ANO4: variants seen among roughly 807,000 people sequenced by gnomAD.
ANO4 encodes anoctamin-4.
In ANO4, 69 loss-of-function variants were observed where a neutral mutation model predicts 141.9. The observed-to-expected ratio is 0.49, with a 90% confidence interval of 0.40 to 0.59. The LOEUF (loss-of-function observed/expected upper bound fraction) is 0.59. ANO4 is among the 20% of genes least tolerant of loss of function. The pLI, the probability that ANO4 is intolerant of heterozygous loss-of-function variation, is 0.00. For missense variants in ANO4, 894 were observed against 1,162.2 expected (o/e 0.77, Z 3.36); for synonymous variants, 350 against 394.3 (o/e 0.89, Z 1.33).
At chr12:100,871,504 C>A (rs1593584090) in intron 1 of ANO4, among the ~76,000 whole-genome samples, 1 of 152,200 alleles carries the variant, frequency 6.6e-6, no homozygotes, top group Non-Finnish European at 1.5e-5. Context: ...TAGCACTGAG[C>A]ACCTGGTGGT....
intron 3 of ANO4, among the ~76,000 whole-genome samples, chr12:100,772,022 A>G (rs2033321127): frequency 6.6e-6 from 1 of 152,210 alleles, no homozygotes; most frequent in African/African-American, 2.4e-5. Flanking sequence ...CAAGACCTTC[A>G]GTGGGAAACT....
intron 3 of ANO4, among the ~76,000 whole-genome samples, chr12:100,747,743 T>C (rs1593262178): frequency 2.6e-5 from 4 of 152,104 alleles, no homozygotes; most frequent in Admixed American, 2.0e-4. Flanking sequence ...TGTGGTGGCA[T>C]GTGCCTGTAG....
At chr12:100,782,289 A>G (rs767817909) in intron 3 of ANO4, among the ~76,000 whole-genome samples, 1 of 152,106 alleles carries the variant, frequency 6.6e-6, no homozygotes, top group African/African-American at 2.4e-5. Flanking sequence ...ATGACCATAC[A>G]AGTTTTTGAA....
chr12:100,835,591 A>G (rs1335930244), intron 1 of ANO4, among the ~76,000 whole-genome samples: 1 of 152,150 alleles, frequency 6.6e-6, no homozygotes. Context: ...ACATCAAGGT[A>G]GTTGATTATT....
chr12:101,056,812 CA>C (rs1566185798), intron 14 of ANO4, among the ~76,000 whole-genome samples: 2 of 151,270 alleles, frequency 1.3e-5, no homozygotes, highest in Admixed American at 1.3e-4. Flanking sequence ...AGAATTTTGC[CA>C]AAAGCTTTTC....
At chr12:100,922,426 T>TA (rs1191064225) in intron 3 of ANO4, 96 bp downstream of exon 3, 1 of 741,092 alleles carries the variant, frequency 1.3e-6, no homozygotes, top group African/African-American at 1.8e-5. Flanking sequence ...TGTCAAGCTT[T>TA]AAAAAATATT....
At chr12:100,966,651 A>G (rs1011671850) in intron 5 of ANO4, among the ~76,000 whole-genome samples, 1 of 151,984 alleles carries the variant, frequency 6.6e-6, no homozygotes, top group Non-Finnish European at 1.5e-5. Flanking sequence ...TAACTTTTCC[A>G]AAACTGAGTT....
At chr12:101,115,085 G>A (rs1340103972) in intron 24 of ANO4, among the ~76,000 whole-genome samples, 1 of 152,124 alleles carries the variant, frequency 6.6e-6, no homozygotes, top group African/African-American at 2.4e-5. Context: ...TGCCAGACTT[G>A]TTAATGAAGA....
At chr12:100,896,731 C>T (rs2040371468) in intron 1 of ANO4, among the ~76,000 whole-genome samples, 1 of 152,064 alleles carries the variant, frequency 6.6e-6, no homozygotes, top group African/African-American at 2.4e-5. Context: ...GTCATGAAAA[C>T]GAAAGCCAAA....
At chr12:101,064,663 TATAATAATAATAATAATA>T (rs199759578) in intron 14 of ANO4, among the ~76,000 whole-genome samples, 2 of 130,168 alleles carry the variant, frequency 1.5e-5, no homozygotes, top group Non-Finnish European at 3.4e-5. Flanking sequence ...CTTAAAGTAT[TATAATAATAATAATAATA>T]ATAATAATAA....
chr12:101,028,671 G>A (rs528595756), intron 9 of ANO4, among the ~76,000 whole-genome samples: 10 of 152,222 alleles, frequency 6.6e-5, no homozygotes, highest in Non-Finnish European at 1.2e-4. Context: ...AGAAATATGG[G>A]ACTTCATAAA....
chr12:101,110,477 C>G lies in ANO4; in HGVS notation c.2223C>G (p.Asn741Lys). Residue 741 changes from asparagine to lysine, a missense_variant, in exon 23 of 28, where the codon AAC (asparagine) becomes AAG (lysine). Transcript: ENST00000392977. The part of the protein sequence containing the change: ...PLAPLLALLN[N>K]IIEIRLDAYK... Reference sequence around the variant, plus strand: ...CACCACTTCTGGCCTTACTGAATAACATAATTGAAATTCGACTTGATGCTT... The same window carrying G: ...CACCACTTCTGGCCTTACTGAATAAGATAATTGAAATTCGACTTGATGCTT... 6.2e-7 allele frequency: 1 copy of G among 1,612,040 alleles called. No individual in the cohort carries two copies. Among genetic ancestry groups the G allele is most frequent in the Non-Finnish European group, 8.5e-7 (1 of 1,179,084 alleles).
intron 2 of ANO4, among the ~76,000 whole-genome samples, chr12:100,903,620 AC>A (rs1044895480): frequency 6.6e-6 from 1 of 152,244 alleles, no homozygotes; most frequent in Non-Finnish European, 1.5e-5. Context: ...GAGACTAATT[AC>A]AAAGAATTGG....
chr12:101,048,008 A>G, intron 13 of ANO4: 1 of 1,032,234 alleles, frequency 9.7e-7, no homozygotes, highest in Non-Finnish European at 1.2e-6. Flanking sequence ...TCCTGGTCCT[A>G]AATATAACTA....
chr12:100,973,885 A>G (rs1450844243), intron 6 of ANO4, among the ~76,000 whole-genome samples: 1 of 152,224 alleles, frequency 6.6e-6, no homozygotes, highest in African/African-American at 2.4e-5. Context: ...ACCTCTGGCA[A>G]CCACTGATCT....
At chr12:100,722,553 A>G (rs953611570) in intron 1 of ANO4, among the ~76,000 whole-genome samples, 3 of 152,016 alleles carry the variant, frequency 2.0e-5, no homozygotes, top group Admixed American at 2.0e-4. Flanking sequence ...TCCCCTTGAC[A>G]TTCTCTGTCT....
At chr12:101,002,689 C>A (rs1281877402) in intron 8 of ANO4, among the ~76,000 whole-genome samples, 1 of 152,164 alleles carries the variant, frequency 6.6e-6, no homozygotes, top group Non-Finnish European at 1.5e-5. Flanking sequence ...CTCATGCAGA[C>A]AGCATTAGAC....
Position 100,743,153 on chromosome 12 carries a change from G to A in ANO4, c.358+3048G>A, listed in dbSNP as rs1268205437. On this transcript the variant is annotated intron_variant, in intron 3 of 29. Coordinates refer to the ANO4 transcript ENST00000644049. ...TGGAGGAGGCAGACAAGTAAGGCAA[G>A]CATTCTGATTCAGTGTGGTGTTAAG... Among the ~76,000 whole-genome samples, 6 of 152,200 alleles carry A rather than the reference G, an allele frequency of 3.9e-5. No individual in the cohort carries two copies. The East Asian group carries it at 1.2e-3, about 29-fold the overall frequency.
intron 2 of ANO4, among the ~76,000 whole-genome samples, chr12:100,916,702 A>T (rs1020108600): frequency 6.6e-6 from 1 of 152,218 alleles, no homozygotes; most frequent in African/African-American, 2.4e-5. Flanking sequence ...ATGTGAGTTC[A>T]GTGGATAGAA....
Sources: gnomAD v4.1 joint callset for allele counts (sites outside exome capture counted in the v4.1 genomes callset) on GRCh38, gnomAD v4.1.1 for gene constraint, MANE v1.5 for transcripts, NCBI Gene and HGNC (gene_info 2026-07-23, HGNC 2026-07-21) for gene names.